LHFPL4: variants seen among roughly 807,000 people sequenced by gnomAD.
LHFPL4 encodes the protein LHFPL tetraspan subfamily member 4, also known as LHFPL tetraspan subfamily member 4 protein.
Under a neutral mutation model 20.0 loss-of-function variants are expected in LHFPL4, and 6 were observed. The ratio of observed to expected loss-of-function variants is 0.30; its 90% CI spans 0.16 to 0.59. The LOEUF (loss-of-function observed/expected upper bound fraction) is 0.59. LHFPL4 is among the 20% of genes least tolerant of loss of function. The pLI, the probability that LHFPL4 is intolerant of heterozygous loss-of-function variation, is 0.88. For synonymous variants in LHFPL4, 129 were observed against 143.8 expected (o/e 0.90, Z 0.74); for missense variants, 215 against 331.2 (o/e 0.65, Z 2.72).
chr3:9,525,304 G>A (rs1369250072), intron 2 of LHFPL4, among the ~76,000 whole-genome samples: 2 of 152,140 alleles, frequency 1.3e-5, no homozygotes, highest in Non-Finnish European at 2.9e-5. Flanking sequence ...TCTCACACTT[G>A]TCCACACAGC....
At chr3:9,544,098 A>G (rs922855974) in intron 2 of LHFPL4, among the ~76,000 whole-genome samples, 5 of 152,044 alleles carry the variant, frequency 3.3e-5, no homozygotes, top group Non-Finnish European at 4.4e-5. Context: ...TTGCTTGCAT[A>G]TTTAAGAAAT....
intron 2 of LHFPL4, among the ~76,000 whole-genome samples, chr3:9,536,094 G>A (rs1385221751): frequency 6.6e-6 from 1 of 152,128 alleles, no homozygotes; most frequent in African/African-American, 2.4e-5. Context: ...ACCAGGTCTG[G>A]CCAGGGGGGC....
intron 2 of LHFPL4, among the ~76,000 whole-genome samples, chr3:9,528,243 C>G (rs1384082033): frequency 6.6e-6 from 1 of 152,130 alleles, no homozygotes; most frequent in Non-Finnish European, 1.5e-5. Flanking sequence ...GGAATCAATC[C>G]TCTTAAATGC....
At chr3:9,537,510 T>G (rs1034594063) in intron 2 of LHFPL4, among the ~76,000 whole-genome samples, 1 of 152,220 alleles carries the variant, frequency 6.6e-6, no homozygotes, top group African/African-American at 2.4e-5. Context: ...GTCCACAGCC[T>G]GTTAATAACC....
chr3:9,502,148 C>T lies in LHFPL4; in HGVS notation c.*63G>A, dbSNP rs147362945. ...TTCCCTCAGAGCTTGAATGGAGTGA[C>T]GAGAGGGCAGAAGGCAGGACAAGCT... On this transcript the variant is annotated 3_prime_UTR_variant, in exon 4 of 4. Coordinates refer to ENST00000287585, the MANE Select transcript of LHFPL4 (RefSeq NM_198560.3). 298 of 1,179,662 alleles carry T rather than the reference C, an allele frequency of 2.5e-4. No homozygotes were observed. In the African/African-American group the frequency reaches 3.6e-3, roughly 14 times the overall value. The allele number at this position is 1,179,662 out of a possible 1,614,324, so 73.1% of individuals were successfully genotyped here. A position where few individuals can be genotyped will look rare whatever the true frequency, so the allele number is the denominator to read the frequency against.
intron 2 of LHFPL4, among the ~76,000 whole-genome samples, chr3:9,507,546 T>C: frequency 6.6e-6 from 1 of 152,206 alleles, no homozygotes; most frequent in East Asian, 1.9e-4. Flanking sequence ...ATGCCAAAAG[T>C]AATAATTACA....
At chr3:9,502,403 G>A in intron 3 of LHFPL4, 92 bp from the exon 4 acceptor site, 1 of 931,100 alleles carries the variant, frequency 1.1e-6, no homozygotes, top group African/African-American at 1.6e-5. Context: ...ATTCCCCAGG[G>A]CACAAGTGGG....
At chr3:9,532,590 C>T (rs1044244192) in intron 2 of LHFPL4, among the ~76,000 whole-genome samples, 2 of 152,198 alleles carry the variant, frequency 1.3e-5, no homozygotes, top group African/African-American at 4.8e-5. Flanking sequence ...CCTCCTTGGC[C>T]TCCCAAAGTG....
intron 2 of LHFPL4, among the ~76,000 whole-genome samples, chr3:9,546,686 C>T (rs2125667926): frequency 6.6e-6 from 1 of 152,296 alleles, no homozygotes; most frequent in South Asian, 2.1e-4. Flanking sequence ...TTCCAGCTGA[C>T]AGTTTATGCC....
intron 2 of LHFPL4, among the ~76,000 whole-genome samples, chr3:9,541,447 G>T (rs2046475582): frequency 6.6e-6 from 1 of 152,168 alleles, no homozygotes; most frequent in African/African-American, 2.4e-5. Context: ...GTTGGACCCT[G>T]TATGTCACAC....
chr3:9,546,159 C>G (rs1331396730), intron 2 of LHFPL4, among the ~76,000 whole-genome samples: 1 of 151,462 alleles, frequency 6.6e-6, no homozygotes, highest in Non-Finnish European at 1.5e-5. Context: ...ACTAAAAATA[C>G]AAAAAATTAG....
chr3:9,517,625 C>A (rs926350178), intron 2 of LHFPL4, among the ~76,000 whole-genome samples: 3 of 145,978 alleles, frequency 2.1e-5, no homozygotes, highest in Non-Finnish European at 4.5e-5. Flanking sequence ...GAGCCCAGGC[C>A]ACAGTAAGCT....
At chr3:9,531,546 G>A (rs1248098276) in intron 2 of LHFPL4, among the ~76,000 whole-genome samples, 1 of 152,214 alleles carries the variant, frequency 6.6e-6, no homozygotes, top group African/African-American at 2.4e-5. Context: ...GATCATGCCT[G>A]TAATCCCAGC....
chr3:9,521,166 C>T (rs567313090), intron 2 of LHFPL4, among the ~76,000 whole-genome samples: 39 of 151,866 alleles, frequency 2.6e-4, no homozygotes, highest in African/African-American at 8.5e-4. Flanking sequence ...ACTTTCTTTG[C>T]CATGAAGTTT....
chr3:9,527,873 C>T (rs1181935398), intron 2 of LHFPL4, among the ~76,000 whole-genome samples: 3 of 149,256 alleles, frequency 2.0e-5, no homozygotes, highest in African/African-American at 5.0e-5. Flanking sequence ...GGGGATATTG[C>T]GAGTTTGGTT....
chr3:9,525,626 T>A (rs946514550), intron 2 of LHFPL4, among the ~76,000 whole-genome samples: 1 of 152,216 alleles, frequency 6.6e-6, no homozygotes, highest in African/African-American at 2.4e-5. Context: ...AAAAAGGATA[T>A]GCATACTATG....
Position 9,506,352 on chromosome 3 carries a change from G to C in LHFPL4, c.407-149C>G. 1 of 660,854 alleles carries C rather than the reference G, an allele frequency of 1.5e-6. No individual in the cohort carries two copies. The highest frequency in any genetic ancestry group is 2.7e-6 in the Non-Finnish European group (1 of 372,628). The allele number at this position is 660,854 out of a possible 1,614,324, so 40.9% of individuals were successfully genotyped here. A position where few individuals can be genotyped will look rare whatever the true frequency, so the allele number is the denominator to read the frequency against. On this transcript the variant is annotated intron_variant, in intron 2 of 3. Coordinates refer to ENST00000287585, the MANE Select transcript of LHFPL4 (RefSeq NM_198560.3). The surrounding 1 kb of genome is among the most constrained non-coding windows in gnomAD (Gnocchi z 4.5). Reference sequence around the variant, plus strand: ...TTACCCACTTCCACAGAGGGAGAAAGAGAGGGCAGGGGCAGGGAAAAGAGA... The same window carrying C: ...TTACCCACTTCCACAGAGGGAGAAACAGAGGGCAGGGGCAGGGAAAAGAGA...
chr3:9,540,033 A>C (rs1389090584), intron 2 of LHFPL4, among the ~76,000 whole-genome samples: 2 of 152,166 alleles, frequency 1.3e-5, no homozygotes, highest in East Asian at 3.8e-4. Context: ...TCTGTGAAGG[A>C]CACTGTTGAT....
intron 2 of LHFPL4, among the ~76,000 whole-genome samples, chr3:9,541,693 A>G (rs1312560003): frequency 6.6e-6 from 1 of 151,956 alleles, no homozygotes; most frequent in East Asian, 1.9e-4. Flanking sequence ...AATCACTTGA[A>G]CCTGGAGGGC....
Sources: gnomAD v4.1 joint callset for allele counts (sites outside exome capture counted in the v4.1 genomes callset) on GRCh38, gnomAD v4.1.1 for gene constraint, Gnocchi (gnomAD v3.1) non-coding constraint, MANE v1.5 for transcripts, NCBI Gene and HGNC (gene_info 2026-07-23, HGNC 2026-07-21) for gene names.